The following SLC4A4 variants were observed in gnomAD, a reference collection of about 807,000 sequenced individuals.
SLC4A4 encodes the protein solute carrier family 4 member 4.
Under a neutral mutation model 111.5 loss-of-function variants are expected in SLC4A4, and 27 were observed. The observed-to-expected ratio is 0.24, with a 90% CI of 0.18 to 0.33. The LOEUF is 0.33. SLC4A4 is among the 10% of genes least tolerant of loss of function. SLC4A4 has a pLI of 1.00. For missense variants in SLC4A4, 909 were observed against 1,315.5 expected (o/e 0.69, Z 4.78); for synonymous variants, 443 against 463.4 (o/e 0.96, Z 0.57).
chr4:71,223,931 C>A (rs1718903319), intron 1 of SLC4A4, among the ~76,000 whole-genome samples: 1 of 152,090 alleles, frequency 6.6e-6, no homozygotes, highest in Non-Finnish European at 1.5e-5. Context: ...CGTTTCTGAT[C>A]CTTAGGAGCC....
chr4:71,330,910 A>G (rs1727925580), intron 3 of SLC4A4, among the ~76,000 whole-genome samples: 1 of 152,220 alleles, frequency 6.6e-6, no homozygotes, highest in Non-Finnish European at 1.5e-5. Flanking sequence ...CCCATCAAAA[A>G]GTGGGCGAAG....
chr4:71,228,374 A>C (rs1212932774), intron 1 of SLC4A4, among the ~76,000 whole-genome samples: 1 of 152,230 alleles, frequency 6.6e-6, no homozygotes, highest in Non-Finnish European at 1.5e-5. Flanking sequence ...GCATTTGCTC[A>C]TGAGACAGAA....
At chr4:71,279,809 T>C (rs1042843098) in intron 3 of SLC4A4, among the ~76,000 whole-genome samples, 1 of 152,156 alleles carries the variant, frequency 6.6e-6, no homozygotes, top group African/African-American at 2.4e-5. Flanking sequence ...TTTATTTATT[T>C]TTTTGAGATG....
intron 2 of SLC4A4, among the ~76,000 whole-genome samples, chr4:71,250,941 G>T (rs1721026681): frequency 6.6e-6 from 1 of 152,174 alleles, no homozygotes; most frequent in South Asian, 2.1e-4. Flanking sequence ...GTACAATGGG[G>T]ATAGGAGCAG....
intron 3 of SLC4A4, among the ~76,000 whole-genome samples, chr4:71,298,793 A>G (rs574627894): frequency 6.6e-6 from 1 of 152,194 alleles, no homozygotes. Flanking sequence ...AGGGTTTCTG[A>G]TGATGAGTTG....
intron 2 of SLC4A4, among the ~76,000 whole-genome samples, chr4:71,114,674 A>C (rs1393329100): frequency 6.7e-6 from 1 of 148,948 alleles, no homozygotes; most frequent in Non-Finnish European, 1.5e-5. Context: ...ATCATTAAAA[A>C]GTCAGGAAAC....
upstream of SLC4A4, among the ~76,000 whole-genome samples, chr4:71,183,920 T>A (rs760851069): frequency 2.0e-5 from 3 of 152,228 alleles, no homozygotes; most frequent in Admixed American, 1.3e-4. Context: ...GGCCCCAATA[T>A]GAAATGCCTA....
intron 1 of SLC4A4, among the ~76,000 whole-genome samples, chr4:71,071,218 C>T (rs530248933): frequency 2.4e-4 from 35 of 148,368 alleles, no homozygotes; most frequent in Non-Finnish European, 4.3e-4. Flanking sequence ...TGCAGTGAGC[C>T]GAGATCACAC....
At chr4:71,329,306 C>CCATATAGATTGTAGGATCTTTTT (rs1727766363) in intron 3 of SLC4A4, among the ~76,000 whole-genome samples, 1 of 151,796 alleles carries the variant, frequency 6.6e-6, no homozygotes, top group Admixed American at 6.6e-5. Context: ...TATTCTGGGT[C>CCATATAGATTGTAGGATCTTTTT]TTTTGTGGTT....
At chr4:71,246,670 A>G (rs1264075972) in intron 2 of SLC4A4, among the ~76,000 whole-genome samples, 1 of 152,206 alleles carries the variant, frequency 6.6e-6, no homozygotes, top group African/African-American at 2.4e-5. Flanking sequence ...AAACATTTCC[A>G]GAGAATCCTG....
chr4:71,558,716 G>T (rs552418965), intron 22 of SLC4A4, among the ~76,000 whole-genome samples: 162 of 151,794 alleles, frequency 1.1e-3, no homozygotes, highest in African/African-American at 3.8e-3. Context: ...CTTACTCTTA[G>T]CCAGTATTAT....
At chr4:71,489,321 A>G (rs995006895) in intron 15 of SLC4A4, among the ~76,000 whole-genome samples, 15 of 151,762 alleles carry the variant, frequency 9.9e-5, no homozygotes, top group African/African-American at 3.1e-4. Flanking sequence ...AGGAAGCAGC[A>G]TAGTGTTTTA....
chr4:71,218,996 G>A (rs1718588310), intron 1 of SLC4A4, among the ~76,000 whole-genome samples: 1 of 152,016 alleles, frequency 6.6e-6, no homozygotes, highest in Non-Finnish European at 1.5e-5. Context: ...GTAATACAAG[G>A]GACTGTATTA....
chr4:71,091,090 G>A (rs1742373211), intron 1 of SLC4A4, among the ~76,000 whole-genome samples: 1 of 152,094 alleles, frequency 6.6e-6, no homozygotes, highest in Admixed American at 6.5e-5. Flanking sequence ...TGAGATTACA[G>A]TTGCGCACCA....
At chr4:71,515,098 T>G (rs1194822431) in intron 16 of SLC4A4, among the ~76,000 whole-genome samples, 1 of 152,034 alleles carries the variant, frequency 6.6e-6, no homozygotes, top group African/African-American at 2.4e-5. Context: ...GTAATCTTTC[T>G]ACTTATTTAT....
intron 6 of SLC4A4, among the ~76,000 whole-genome samples, chr4:71,386,037 T>C (rs1285743625): frequency 1.3e-5 from 2 of 151,970 alleles, no homozygotes; most frequent in Non-Finnish European, 2.9e-5. Context: ...CCCCAGCTTT[T>C]CTATATATAT....
intron 3 of SLC4A4, among the ~76,000 whole-genome samples, chr4:71,258,399 T>A (rs2363717): frequency 1.3e-5 from 2 of 152,054 alleles, no homozygotes; most frequent in African/African-American, 4.8e-5. Flanking sequence ...TCCCAACGCC[T>A]TATGTTTCCT....
chr4:71,285,693 A>G (rs746592178), intron 3 of SLC4A4, among the ~76,000 whole-genome samples: 10 of 152,204 alleles, frequency 6.6e-5, no homozygotes, highest in Non-Finnish European at 1.3e-4. Flanking sequence ...TTACTCTATG[A>G]GATGTCATTG....
chr4:71,151,756 TAAAAAA>T (rs35840387), intron 2 of SLC4A4, among the ~76,000 whole-genome samples: 1 of 127,912 alleles, frequency 7.8e-6, no homozygotes, highest in Non-Finnish European at 1.7e-5. Flanking sequence ...CCATTTCTAC[TAAAAAA>T]AAAAAAAAAA....
Sources: gnomAD v4.1 joint callset for allele counts (sites outside exome capture counted in the v4.1 genomes callset) on GRCh38, gnomAD v4.1.1 for gene constraint, MANE v1.5 for transcripts, NCBI Gene and HGNC (gene_info 2026-07-23, HGNC 2026-07-21) for gene names.